PCGF5: variants seen among roughly 807,000 people sequenced by gnomAD.
PCGF5 encodes polycomb group RING finger protein 5.
A neutral mutation model predicts 44.3 loss-of-function variants in PCGF5; 9 were observed. The observed-to-expected ratio is 0.20, with a 90% CI of 0.12 to 0.35. The LOEUF (loss-of-function observed/expected upper bound fraction) is 0.35. PCGF5 is among the 10% of genes least tolerant of loss of function. PCGF5 has a pLI of 1.00. For synonymous variants in PCGF5, 95 were observed against 102.5 expected, an observed-to-expected ratio of 0.93 and a Z score of 0.44; for missense variants, 146 against 305.3, an observed-to-expected ratio of 0.48 and a Z score of 3.89.
At chr10:91,197,427 T>C (rs948533494) in intron 1 of PCGF5, among the ~76,000 whole-genome samples, 3 of 152,318 alleles carry the variant, frequency 2.0e-5, no homozygotes, top group African/African-American at 4.8e-5. Flanking sequence ...TTATCACAAC[T>C]GCTGATGTTT....
intron 2 of PCGF5, among the ~76,000 whole-genome samples, chr10:91,231,151 CAT>C (rs1288770850): frequency 2.6e-5 from 4 of 152,198 alleles, no homozygotes; most frequent in South Asian, 2.1e-4. Flanking sequence ...GCAATAGTAA[CAT>C]GTGTAGGGTC....
At chr10:91,202,221 A>G (rs1281473165) in intron 1 of PCGF5, among the ~76,000 whole-genome samples, 1 of 152,212 alleles carries the variant, frequency 6.6e-6, no homozygotes, top group Non-Finnish European at 1.5e-5. Context: ...TGGTCGATGT[A>G]TCTGTTTTTA....
intron 1 of PCGF5, among the ~76,000 whole-genome samples, chr10:91,201,194 T>C (rs1416210602): frequency 2.0e-5 from 3 of 152,200 alleles, no homozygotes; most frequent in African/African-American, 7.2e-5. Flanking sequence ...CTTACGTATC[T>C]GGAGGCTGGG....
At chr10:91,233,229 G>T (rs1396712515) in intron 2 of PCGF5, among the ~76,000 whole-genome samples, 1 of 152,012 alleles carries the variant, frequency 6.6e-6, no homozygotes, top group Non-Finnish European at 1.5e-5. Context: ...TGACCTAGGG[G>T]TCCCACTCGA....
chr10:91,156,403 T>A, the PCGF5 span, among the ~76,000 whole-genome samples: 1 of 152,194 alleles, frequency 6.6e-6, no homozygotes, highest in Non-Finnish European at 1.5e-5. Context: ...ATAACTGTAG[T>A]AGAAACCAAA....
chr10:91,264,059 A>G (rs1845989039), intron 7 of PCGF5, among the ~76,000 whole-genome samples: 1 of 152,188 alleles, frequency 6.6e-6, no homozygotes, highest in African/African-American at 2.4e-5. Context: ...GCTGAGAGGA[A>G]CTGTGAGGTT....
chr10:91,208,410 A>G (rs1237040690), intron 1 of PCGF5, among the ~76,000 whole-genome samples: 1 of 152,180 alleles, frequency 6.6e-6, no homozygotes, highest in South Asian at 2.1e-4. Context: ...TTTTTAGTCC[A>G]TTCACAGTGC....
chr10:91,202,544 C>A (rs1490581227), intron 1 of PCGF5, among the ~76,000 whole-genome samples: 1 of 152,108 alleles, frequency 6.6e-6, no homozygotes, highest in Non-Finnish European at 1.5e-5. Flanking sequence ...GTAGTCATTG[C>A]ATAGTAGTCA....
chr10:91,232,332 A>G (rs1431441622), intron 2 of PCGF5, among the ~76,000 whole-genome samples: 1 of 152,204 alleles, frequency 6.6e-6, no homozygotes, highest in Non-Finnish European at 1.5e-5. Context: ...ATATTGTACT[A>G]TGAATACATA....
intron 1 of PCGF5, among the ~76,000 whole-genome samples, chr10:91,172,677 CAT>C (rs1421099756): frequency 1.3e-5 from 2 of 152,202 alleles, no homozygotes; most frequent in African/African-American, 4.8e-5. Flanking sequence ...ATTGAGTACT[CAT>C]AACTTTTGTG....
intron 2 of PCGF5, chr10:91,227,602 C>A: frequency 8.6e-7 from 1 of 1,169,334 alleles, no homozygotes; most frequent in Non-Finnish European, 1.1e-6. Flanking sequence ...GCCACTGCAG[C>A]ACATTCTTAA....
At chr10:91,186,023 C>T (rs77061487) in intron 1 of PCGF5, among the ~76,000 whole-genome samples, 76 of 152,254 alleles carry the variant, frequency 5.0e-4, no homozygotes, top group Middle Eastern at 3.4e-3. Flanking sequence ...CCATCTTGGT[C>T]GCTCCCTGCT....
intron 5 of PCGF5, among the ~76,000 whole-genome samples, chr10:91,249,954 T>A (rs1000140083): frequency 6.6e-6 from 1 of 152,066 alleles, no homozygotes; most frequent in African/African-American, 2.4e-5. Flanking sequence ...TGACTGCCTA[T>A]TCAAGAGGAC....
At chr10:91,219,748 T>C (rs1844617602), upstream of PCGF5, among the ~76,000 whole-genome samples, 1 of 152,212 alleles carries the variant, frequency 6.6e-6, no homozygotes, top group Non-Finnish European at 1.5e-5. Flanking sequence ...AGTTTGATTA[T>C]AAAATGGATA....
chr10:91,238,670 T>C (rs1845244936), intron 2 of PCGF5, among the ~76,000 whole-genome samples: 1 of 130,218 alleles, frequency 7.7e-6, no homozygotes, highest in Non-Finnish European at 1.6e-5. Context: ...CTATCATCCC[T>C]GGGAAAAGAG....
At chr10:91,271,182 A>T (rs781348847) in intron 8 of PCGF5, among the ~76,000 whole-genome samples, 4 of 151,998 alleles carry the variant, frequency 2.6e-5, no homozygotes, top group Non-Finnish European at 5.9e-5. Flanking sequence ...CAGAAAATAG[A>T]TGCCTTACAG....
intron 9 of PCGF5, among the ~76,000 whole-genome samples, chr10:91,274,007 G>A (rs969327645): frequency 5.9e-5 from 9 of 151,608 alleles, no homozygotes; most frequent in Non-Finnish European, 1.2e-4. Flanking sequence ...ATTATACAAA[G>A]GAATATTCTT....
chr10:91,204,656 G>C (rs1259190124), intron 1 of PCGF5, among the ~76,000 whole-genome samples: 1 of 152,182 alleles, frequency 6.6e-6, no homozygotes, highest in East Asian at 1.9e-4. Context: ...CAAAGAAGGA[G>C]AGCTCTGAGG....
Position 91,244,376 on chromosome 10 carries a change from C to T in PCGF5, c.209+3796C>T, listed in dbSNP as rs139184610. Among the ~76,000 whole-genome samples the T allele has an allele frequency of 3.5e-3, 536 of 152,192 alleles. 1 individual carries two copies. The highest frequency in any genetic ancestry group is 0.012 in the African/African-American group (490 of 41,510). On this transcript the variant is annotated intron_variant, in intron 3 of 9. Coordinates refer to ENST00000336126, the MANE Select transcript of PCGF5 (RefSeq NM_032373.5). ...AGGAGTGTATCTACGCCTTGTTGGA[C>T]GACCAGCAAGGAGACCTGGGCGGCT... is the stretch of plus-strand genomic sequence containing the variant.
Sources: allele counts gnomAD v4.1 joint callset (sites outside exome capture counted in the v4.1 genomes callset), GRCh38; gene constraint gnomAD v4.1.1; transcripts MANE v1.5; gene names NCBI Gene and HGNC (gene_info 2026-07-23, HGNC 2026-07-21).